The following TPH2 variants were observed in gnomAD, a reference collection of about 807,000 sequenced individuals.
TPH2 encodes the protein tryptophan hydroxylase 2, also known as tryptophan 5-hydroxylase 2.
A neutral mutation model predicts 59.1 loss-of-function variants in TPH2; 27 were observed. The ratio of observed to expected loss-of-function variants is 0.46; its 90% CI spans 0.34 to 0.63. TPH2 has a LOEUF of 0.63. Ranked by LOEUF, TPH2 falls within the 30% of genes least tolerant of loss-of-function variation. The probability of loss-of-function intolerance (pLI) is 0.01; values close to 1 mark genes in which losing one functional copy is unlikely to be tolerated. For synonymous variants in TPH2, 220 were observed against 210.5 expected, an observed-to-expected ratio of 1.05 and a Z score of -0.39; for missense variants, 523 against 588.3, an observed-to-expected ratio of 0.89 and a Z score of 1.15.
At chr12:71,956,087 G>T (rs951232087) in intron 5 of TPH2, among the ~76,000 whole-genome samples, 1 of 152,198 alleles carries the variant, frequency 6.6e-6, no homozygotes, top group African/African-American at 2.4e-5. Flanking sequence ...GTTACTCATA[G>T]GGCTGTTTGC....
At chr12:71,960,757 A>G (rs1337693322) in intron 5 of TPH2, among the ~76,000 whole-genome samples, 3 of 152,212 alleles carry the variant, frequency 2.0e-5, no homozygotes, top group Admixed American at 2.0e-4. Context: ...AATGTATTTC[A>G]CAGGGAAAGA....
In TPH2 at chr12:71,961,720, G is replaced by GA. The variant is rs1871689016; in HGVS notation, c.609-10795dup. 3.0e-6 allele frequency: 4 copies of GA among 1,348,106 alleles called. No homozygotes were observed. The South Asian group carries it at 4.6e-5, about 15-fold the overall frequency. The allele number at this position is 1,348,106 out of a possible 1,614,324, so 83.5% of individuals were successfully genotyped here. A position where few individuals can be genotyped will look rare whatever the true frequency, so the allele number is the denominator to read the frequency against. On this transcript the variant is annotated intron_variant, in intron 5 of 10. Transcript: ENST00000333850. Reference sequence around the variant, plus strand: ...TAATTTCATGATAGTTTTTGCAGATGAAAATCACTTCTCTAGAATATGAAG... The same window carrying GA: ...TAATTTCATGATAGTTTTTGCAGATGAAAAATCACTTCTCTAGAATATGAAG...
At chr12:72,010,417 A>G (rs1268681815) in intron 8 of TPH2, among the ~76,000 whole-genome samples, 2 of 152,194 alleles carry the variant, frequency 1.3e-5, no homozygotes, top group African/African-American at 4.8e-5. Flanking sequence ...CCATTTACAC[A>G]TATAGATGCT....
chr12:72,000,458 AT>A (rs1468414043), intron 8 of TPH2, among the ~76,000 whole-genome samples: 4 of 152,196 alleles, frequency 2.6e-5, no homozygotes, highest in African/African-American at 9.7e-5. Context: ...TAAAATGCAG[AT>A]TCTGATGGAG....
At chr12:71,944,209 C>A in intron 2 of TPH2, 85 bp from the exon 3 acceptor site, 2 of 1,467,364 alleles carry the variant, frequency 1.4e-6, no homozygotes, top group South Asian at 1.2e-5. Context: ...TACTTGGCAC[C>A]TTGCTTAAGA....
intron 7 of TPH2, among the ~76,000 whole-genome samples, chr12:71,981,420 G>C (rs1464752933): frequency 6.6e-6 from 1 of 152,144 alleles, no homozygotes; most frequent in Non-Finnish European, 1.5e-5. Context: ...GGGGGTGAGG[G>C]CTGGGGAATT....
intron 7 of TPH2, among the ~76,000 whole-genome samples, chr12:71,981,273 G>A (rs993433597): frequency 6.6e-5 from 10 of 152,210 alleles, no homozygotes; most frequent in African/African-American, 2.4e-4. Context: ...TATGTATTAG[G>A]GGTGAAATGT....
intron 5 of TPH2, chr12:71,962,741 G>C (rs1381977636): frequency 1.1e-5 from 10 of 941,270 alleles, no homozygotes; most frequent in Non-Finnish European, 1.0e-5. Flanking sequence ...GTTTTGTTTT[G>C]AGATAGAGTA....
chr12:71,976,532 A>G (rs1440188878), intron 6 of TPH2, among the ~76,000 whole-genome samples: 1 of 152,268 alleles, frequency 6.6e-6, no homozygotes, highest in African/African-American at 2.4e-5. Flanking sequence ...CTATTAAAAA[A>G]AATGTTCCTC....
At position 71,972,623 on chromosome 12, in the gene TPH2, A is replaced by G. The variant is rs1872004555; in HGVS notation, c.713A>G (p.Glu238Gly). Residue 238 changes from glutamate (E) to glycine (G), a missense_variant, in exon 6 of 11, where the codon GAG becomes GGG. Physicochemically the swap from Glu to Gly is moderately conservative, Grantham distance 98. Transcript: ENST00000333850. ...SKLYPTHACR[E>G]YLKNFPLLTK... ...CTCTATCCCACTCATGCTTGCCGAGAGTATTTGAAAAACTTCCCTCTGCTG... is the reference window on the plus strand; with the variant it reads ...CTCTATCCCACTCATGCTTGCCGAGGGTATTTGAAAAACTTCCCTCTGCTG... 2.5e-6 allele frequency: 4 copies of G among 1,614,028 alleles called. No individual in the cohort carries two copies. Among genetic ancestry groups the G allele is most frequent in the Non-Finnish European group, 3.4e-6 (4 of 1,180,020 alleles).
chr12:71,982,015 A>ATTTTTTTTTTTTTTTTTT lies in TPH2; in HGVS notation c.941+2945_941+2946insTTTTTTTTTTTTTTTTTT, dbSNP rs781612841. On this transcript the variant is annotated intron_variant, in intron 7 of 10. Coordinates refer to ENST00000333850, the MANE Select transcript of TPH2 (RefSeq NM_173353.4). ...TTTTTGTGGGTTTCATATCATTCGT[A>ATTTTTTTTTTTTTTTTTT]TTTTTTTTTTTTTTTTTAGACAGAG... 2.6e-3 allele frequency among the ~76,000 whole-genome samples: 160 copies of ATTTTTTTTTTTTTTTTTT among 60,468 alleles called. 35 individuals carry two copies. The highest frequency in any genetic ancestry group is 7.9e-3 in the African/African-American group (130 of 16,370). 39.7% of individuals were successfully genotyped at this position (60,468 alleles called of 152,430 possible). A position where few individuals can be genotyped will look rare whatever the true frequency, so the allele number is the denominator to read the frequency against.
In TPH2 at chr12:71,948,097, C is replaced by G. The variant is rs138812231; in HGVS notation, c.541-1491C>G. On this transcript the variant is annotated intron_variant, in intron 4 of 10. Coordinates refer to ENST00000333850, the MANE Select transcript of TPH2 (RefSeq NM_173353.4). ...ACTTTCTAGCATGACTGCATCTACC[C>G]TCTCCAGCAGGAGACCTTTTTAAAG... Among the ~76,000 whole-genome samples, 985 of 152,246 alleles carry G rather than the reference C, an allele frequency of 6.5e-3. 7 individuals are homozygous for G. Among genetic ancestry groups the G allele is most frequent in the African/African-American group, 0.022 (906 of 41,562 alleles).
intron 9 of TPH2, among the ~76,000 whole-genome samples, chr12:72,026,460 C>T (rs1029741813): frequency 6.6e-6 from 1 of 152,174 alleles, no homozygotes; most frequent in African/African-American, 2.4e-5. Flanking sequence ...CCACTTGCAG[C>T]AACTCTGGGA....
chr12:72,007,130 G>A (rs1872975252), intron 8 of TPH2, among the ~76,000 whole-genome samples: 2 of 152,132 alleles, frequency 1.3e-5, no homozygotes, highest in Admixed American at 6.6e-5. Context: ...GATGGAGATA[G>A]CATGCTACTT....
intron 7 of TPH2, among the ~76,000 whole-genome samples, chr12:71,991,485 C>A (rs1872578124): frequency 6.6e-6 from 1 of 152,180 alleles, no homozygotes; most frequent in Non-Finnish European, 1.5e-5. Flanking sequence ...TCATCATCTT[C>A]AGTATTTTCT....
intron 9 of TPH2, among the ~76,000 whole-genome samples, chr12:72,025,261 C>T (rs1424800684): frequency 6.6e-6 from 1 of 152,104 alleles, no homozygotes; most frequent in East Asian, 1.9e-4. Context: ...AAATGTAAGT[C>T]CCAGCTACTG....
At chr12:72,002,806 G>A (rs986069426) in intron 8 of TPH2, among the ~76,000 whole-genome samples, 1 of 151,340 alleles carries the variant, frequency 6.6e-6, no homozygotes, top group Non-Finnish European at 1.5e-5. Context: ...ATAATACAGG[G>A]TTCTGTTTGT....
chr12:71,968,009 T>C (rs531359183), intron 5 of TPH2, among the ~76,000 whole-genome samples: 244 of 152,316 alleles, frequency 1.6e-3, no homozygotes, highest in African/African-American at 5.4e-3. Flanking sequence ...CCTTCCCTTC[T>C]CTAAGACCTA....
chr12:72,022,707 A>T (rs1322326616), intron 9 of TPH2, among the ~76,000 whole-genome samples: 1 of 152,238 alleles, frequency 6.6e-6, no homozygotes, highest in Non-Finnish European at 1.5e-5. Flanking sequence ...ACTCAAATGG[A>T]TGAGCAGCCA....
Sources: gnomAD v4.1 joint callset for allele counts (sites outside exome capture counted in the v4.1 genomes callset) on GRCh38, gnomAD v4.1.1 for gene constraint, MANE v1.5 for transcripts, NCBI Gene and HGNC (gene_info 2026-07-23, HGNC 2026-07-21) for gene names.